SNX14: variants seen among roughly 807,000 people sequenced by gnomAD.
SNX14 encodes the protein sorting nexin 14, also known as sorting nexin-14.
Under a neutral mutation model 133.8 loss-of-function variants are expected in SNX14, and 93 were observed. The ratio of observed to expected loss-of-function variants is 0.70; its 90% confidence interval spans 0.59 to 0.83. SNX14 has a LOEUF of 0.83. Ranked by LOEUF, SNX14 falls within the 40% of genes least tolerant of loss-of-function variation. SNX14 has a pLI of 0.00. For missense variants in SNX14, 945 were observed against 1,094.9 expected (o/e 0.86, Z 1.93); for synonymous variants, 368 against 365.6 (o/e 1.01, Z -0.07).
intron 6 of SNX14, among the ~76,000 whole-genome samples, chr6:85,561,033 T>TAA (rs75735977): frequency 2.2e-4 from 22 of 97,848 alleles, no homozygotes; most frequent in Admixed American, 4.4e-4. Flanking sequence ...GACTCCATCT[T>TAA]AAAAAAAAAA....
intron 8 of SNX14, among the ~76,000 whole-genome samples, chr6:85,548,799 T>C (rs924319357): frequency 6.6e-6 from 1 of 151,756 alleles, no homozygotes; most frequent in Non-Finnish European, 1.5e-5. Flanking sequence ...AAACCCCGTC[T>C]CTACTAAAAA....
chr6:85,559,468 G>A (rs567847697), intron 6 of SNX14, among the ~76,000 whole-genome samples: 2 of 152,226 alleles, frequency 1.3e-5, no homozygotes, highest in African/African-American at 2.4e-5. Flanking sequence ...ACTAAACTTT[G>A]ATTTTTAAAA....
chr6:85,559,706 C>T (rs1382560967), intron 6 of SNX14, among the ~76,000 whole-genome samples: 3 of 151,990 alleles, frequency 2.0e-5, no homozygotes, highest in East Asian at 3.9e-4. Context: ...AGATAAGAGC[C>T]ACAGTATAAT....
chr6:85,510,363 C>T (rs766407843), intron 26 of SNX14, among the ~76,000 whole-genome samples: 11 of 152,124 alleles, frequency 7.2e-5, no homozygotes, highest in Non-Finnish European at 1.3e-4. Context: ...TTTAAATGTG[C>T]ATTTCCTTGA....
intron 24 of SNX14, 25 bp from the exon 25 acceptor site, chr6:85,514,259 C>T (rs1362820664): frequency 1.3e-6 from 2 of 1,586,722 alleles, no homozygotes; most frequent in Admixed American, 3.8e-5. Context: ...AATGGGATAC[C>T]TCATTGTTCC....
At chr6:85,547,422 C>T (rs2128096409) in intron 10 of SNX14, 25 bp from the exon 11 acceptor site, 1 of 1,609,904 alleles carries the variant, frequency 6.2e-7, no homozygotes, top group East Asian at 2.2e-5. Flanking sequence ...GAATTATTAA[C>T]TCAGTAAAAT....
At chr6:85,592,008 G>A (rs1055127857) in intron 1 of SNX14, among the ~76,000 whole-genome samples, 4 of 152,136 alleles carry the variant, frequency 2.6e-5, no homozygotes, top group African/African-American at 9.7e-5. Flanking sequence ...GTGAGACTCC[G>A]TCTCAAAAAT....
chr6:85,566,987 A>G (rs1409157829), intron 5 of SNX14, among the ~76,000 whole-genome samples: 1 of 152,126 alleles, frequency 6.6e-6, no homozygotes, highest in African/African-American at 2.4e-5. Context: ...TACTTGGGGA[A>G]AAAAAAACCA....
At chr6:85,545,882 T>C (rs1372368470) in intron 12 of SNX14, among the ~76,000 whole-genome samples, 1 of 152,164 alleles carries the variant, frequency 6.6e-6, no homozygotes, top group East Asian at 1.9e-4. Context: ...AGGGTTTCAC[T>C]ATGTTGCCCA....
At chr6:85,553,863 A>G (rs1034143317) in intron 7 of SNX14, among the ~76,000 whole-genome samples, 4 of 152,182 alleles carry the variant, frequency 2.6e-5, no homozygotes, top group Non-Finnish European at 4.4e-5. Context: ...AAAAGTAATT[A>G]CAATATTTGG....
intron 26 of SNX14, among the ~76,000 whole-genome samples, chr6:85,513,528 T>C (rs1773694550): frequency 1.3e-5 from 2 of 152,244 alleles, no homozygotes. Flanking sequence ...TTGTCCCACA[T>C]GTCACTTTGA....
intron 1 of SNX14, among the ~76,000 whole-genome samples, chr6:85,587,934 C>G (rs909140838): frequency 2.0e-5 from 3 of 152,080 alleles, no homozygotes; most frequent in Admixed American, 6.6e-5. Context: ...CAGATACATA[C>G]CTTATACAAA....
chr6:85,588,418 A>C (rs1029786907), intron 1 of SNX14, among the ~76,000 whole-genome samples: 2 of 149,264 alleles, frequency 1.3e-5, no homozygotes, highest in African/African-American at 4.9e-5. Flanking sequence ...CTAAAAATAC[A>C]AAAAAAAAAT....
chr6:85,538,262 A>G (rs1562267139), intron 16 of SNX14, among the ~76,000 whole-genome samples: 1 of 151,528 alleles, frequency 6.6e-6, no homozygotes, highest in Non-Finnish European at 1.5e-5. Context: ...ACAAACATAC[A>G]ATTAGGGTTT....
chr6:85,573,246 G>A (rs536615164), intron 2 of SNX14, among the ~76,000 whole-genome samples: 17 of 152,250 alleles, frequency 1.1e-4, no homozygotes, highest in African/African-American at 3.4e-4. Context: ...TTGGTAGGCC[G>A]AGGCAAGTGG....
intron 7 of SNX14, among the ~76,000 whole-genome samples, chr6:85,555,032 G>A (rs1789191288): frequency 6.6e-6 from 1 of 151,952 alleles, no homozygotes; most frequent in African/African-American, 2.4e-5. Context: ...ATGTTGCCCA[G>A]GCTTGTGTCA....
chr6:85,588,839 A>C (rs1801887685), intron 1 of SNX14: 1 of 454,024 alleles, frequency 2.2e-6, no homozygotes, highest in Admixed American at 2.4e-5. Flanking sequence ...TAAGAATATC[A>C]TAAGGAAGAG....
At chr6:85,573,215 C>G (rs1472167429) in intron 2 of SNX14, among the ~76,000 whole-genome samples, 1 of 152,216 alleles carries the variant, frequency 6.6e-6, no homozygotes, top group Admixed American at 6.5e-5. Context: ...CGCAGTGGCT[C>G]ACGCCTGTAA....
At chr6:85,528,554 C>T (rs908463027) in intron 19 of SNX14, among the ~76,000 whole-genome samples, 192 bp from the exon 20 acceptor site, 1 of 152,120 alleles carries the variant, frequency 6.6e-6, no homozygotes, top group African/African-American at 2.4e-5. Context: ...GAACTTGAGT[C>T]TACTGATAAA....
Sources: gnomAD v4.1 joint callset for allele counts (sites outside exome capture counted in the v4.1 genomes callset) on GRCh38, gnomAD v4.1.1 for gene constraint, MANE v1.5 for transcripts, NCBI Gene and HGNC (gene_info 2026-07-23, HGNC 2026-07-21) for gene names.